Variants in SMYD3 observed in about 807,000 individuals in gnomAD.
SMYD3 encodes SET and MYND domain containing 3, also known as histone-lysine N-methyltransferase SMYD3.
SMYD3 carries 36 observed loss-of-function variants against 57.7 expected under a neutral mutation model. The ratio of observed to expected loss-of-function variants is 0.62; its 90% CI spans 0.48 to 0.82. The LOEUF (loss-of-function observed/expected upper bound fraction) is 0.82, where lower values mean the gene tolerates loss of function less well. SMYD3 is among the 40% of genes least tolerant of loss of function. The pLI is 0.00. For synonymous variants in SMYD3, 211 were observed against 195.0 expected (o/e 1.08, Z -0.68); for missense variants, 515 against 538.8 (o/e 0.96, Z 0.44).
intron 5 of SMYD3, among the ~76,000 whole-genome samples, chr1:245,988,949 A>C (rs2058758838): frequency 6.6e-6 from 1 of 152,262 alleles, no homozygotes; most frequent in Non-Finnish European, 1.5e-5. Flanking sequence ...AGCCTGGGCT[A>C]TCTCCATATT....
chr1:246,101,546 A>C (rs2061015983), intron 5 of SMYD3, among the ~76,000 whole-genome samples: 1 of 152,226 alleles, frequency 6.6e-6, no homozygotes, highest in Non-Finnish European at 1.5e-5. Context: ...AGCTTAGCTC[A>C]TAACTGTCTT....
chr1:246,327,045 T>G, intron 5 of SMYD3, 156 bp downstream of exon 5: 3 of 835,494 alleles, frequency 3.6e-6, no homozygotes, highest in Non-Finnish European at 5.8e-6. Flanking sequence ...ACACAATACA[T>G]TCTCTCATGC....
At chr1:246,070,740 T>G (rs2787967) in intron 5 of SMYD3, among the ~76,000 whole-genome samples, 133,377 of 152,256 alleles carry the variant, frequency 0.88, 58,891 homozygotes, top group African/African-American at 0.97. Context: ...TGCCCAGTCC[T>G]ACTGGAGGAT....
chr1:245,884,484 T>C (rs987164627), intron 8 of SMYD3, among the ~76,000 whole-genome samples: 1 of 152,092 alleles, frequency 6.6e-6, no homozygotes, highest in Admixed American at 6.6e-5. Flanking sequence ...CTGATTTACA[T>C]AGGGCCTGAG....
intron 1 of SMYD3, among the ~76,000 whole-genome samples, chr1:246,420,434 G>A (rs1197179360): frequency 6.6e-6 from 1 of 152,138 alleles, no homozygotes; most frequent in Non-Finnish European, 1.5e-5. Flanking sequence ...ACTTCCTAAA[G>A]CCCACTGCAG....
At chr1:245,988,509 TCTTCTGTAG>T (rs755727833) in intron 5 of SMYD3, 6 of 152,258 alleles carry the variant, frequency 3.9e-5, no homozygotes, top group Non-Finnish European at 4.4e-5. Context: ...GTAACCATCT[TCTTCTGTAG>T]CTTCTGTAGC....
intron 5 of SMYD3, among the ~76,000 whole-genome samples, chr1:246,315,580 C>T (rs1400275158): frequency 2.6e-5 from 4 of 152,192 alleles, no homozygotes; most frequent in Admixed American, 6.5e-5. Flanking sequence ...TGAAACTCTT[C>T]CAGGAAGAAG....
At chr1:246,099,341 G>A (rs960074447) in intron 5 of SMYD3, among the ~76,000 whole-genome samples, 4 of 152,090 alleles carry the variant, frequency 2.6e-5, no homozygotes, top group African/African-American at 7.2e-5. Context: ...TCCATGGGAC[G>A]CTTGAATAAA....
intron 1 of SMYD3, among the ~76,000 whole-genome samples, chr1:246,463,833 C>CA (rs35826530): frequency 0.014 from 982 of 70,366 alleles, 68 homozygotes; most frequent in African/African-American, 0.053. Flanking sequence ...GACCCCGTCT[C>CA]AAAAAAAAAA....
intron 3 of SMYD3, among the ~76,000 whole-genome samples, chr1:246,334,834 T>G (rs564938350): frequency 4.6e-5 from 7 of 152,354 alleles, no homozygotes; most frequent in Middle Eastern, 3.4e-3. Context: ...GATGAGGAGT[T>G]GCTTCTTATG....
chr1:246,104,524 T>A (rs1573029243), intron 5 of SMYD3, among the ~76,000 whole-genome samples: 1 of 152,122 alleles, frequency 6.6e-6, no homozygotes, highest in African/African-American at 2.4e-5. Flanking sequence ...TGGGAGAAGG[T>A]ACTGGCTGGT....
intron 5 of SMYD3, among the ~76,000 whole-genome samples, chr1:246,144,715 C>T (rs1031449231): frequency 5.3e-5 from 8 of 152,136 alleles, no homozygotes; most frequent in African/African-American, 1.9e-4. Flanking sequence ...ATAGAACTAT[C>T]CATAAAGGCC....
At chr1:246,479,498 C>T (rs1010842972) in intron 1 of SMYD3, among the ~76,000 whole-genome samples, 4 of 119,338 alleles carry the variant, frequency 3.4e-5, no homozygotes, top group Admixed American at 1.0e-4. Context: ...TGTCAAAAAG[C>T]GGGATTTTTT....
intron 9 of SMYD3, among the ~76,000 whole-genome samples, chr1:245,862,749 T>G (rs1479433877): frequency 2.0e-5 from 3 of 152,226 alleles, no homozygotes; most frequent in African/African-American, 7.2e-5. Flanking sequence ...TTACTTTTCG[T>G]CAAATCCCTT....
intron 5 of SMYD3, among the ~76,000 whole-genome samples, chr1:246,066,290 T>C (rs1414472124): frequency 6.6e-6 from 1 of 152,212 alleles, no homozygotes; most frequent in Non-Finnish European, 1.5e-5. Context: ...GTGGACATCC[T>C]AAAAGGTTGA....
rs977891065 is a variant in SMYD3, at chr1:245,770,498, G to A, written c.1077-6349C>T. On this transcript the variant is annotated intron_variant, in intron 10 of 11. Transcript: ENST00000490107. The stretch of plus-strand genomic sequence containing the variant: ...TCAAATCCTGATTGGATTAAGGTAC[G>A]AACTCTTTCTATCCTGATTCCCAGA... Among the ~76,000 whole-genome samples, 10 of 152,300 alleles carry A rather than the reference G, an allele frequency of 6.6e-5. No homozygotes were observed. The East Asian group carries it at 1.5e-3, about 23-fold the overall frequency.
intron 8 of SMYD3, among the ~76,000 whole-genome samples, chr1:245,901,150 T>C (rs1300098044): frequency 1.3e-5 from 2 of 152,170 alleles, no homozygotes; most frequent in African/African-American, 4.8e-5. Context: ...TGAGTTGTGG[T>C]ATACTGGCAG....
At chr1:246,243,925 C>G (rs1038769548) in intron 5 of SMYD3, among the ~76,000 whole-genome samples, 2 of 150,716 alleles carry the variant, frequency 1.3e-5, no homozygotes, top group Admixed American at 6.6e-5. Flanking sequence ...GCCAACCAAT[C>G]TTTGTTGGGC....
intron 9 of SMYD3, among the ~76,000 whole-genome samples, chr1:245,859,546 G>GT (rs921625994): frequency 3.3e-4 from 51 of 152,300 alleles, no homozygotes; most frequent in Middle Eastern, 6.8e-3. Flanking sequence ...TTTATGGAGC[G>GT]TAATTTTAAT....
Sources: gnomAD v4.1 joint callset for allele counts (sites outside exome capture counted in the v4.1 genomes callset) on GRCh38, gnomAD v4.1.1 for gene constraint, MANE v1.5 for transcripts, NCBI Gene and HGNC (gene_info 2026-07-23, HGNC 2026-07-21) for gene names.